The following TCF7L2 variants were observed in gnomAD, a reference collection of about 807,000 sequenced individuals.
TCF7L2 encodes transcription factor 7-like 2.
A neutral mutation model predicts 77.9 loss-of-function variants in TCF7L2; 23 were observed. That is an observed-to-expected ratio of 0.30 (90% CI 0.21 to 0.42). The LOEUF is 0.42. Ranked by LOEUF, TCF7L2 falls within the 10% of genes least tolerant of loss-of-function variation. The pLI, the probability that TCF7L2 is intolerant of heterozygous loss-of-function variation, is 1.00. For missense variants in TCF7L2, 654 were observed against 793.1 expected, an observed-to-expected ratio of 0.82 and a Z score of 2.11; for synonymous variants, 413 against 340.2, an observed-to-expected ratio of 1.21 and a Z score of -2.36.
chr10:113,149,826 C>T (rs1263227860), intron 8 of TCF7L2, among the ~76,000 whole-genome samples: 1 of 152,204 alleles, frequency 6.6e-6, no homozygotes, highest in Admixed American at 6.5e-5. Flanking sequence ...TCACTTGAAT[C>T]ACCTTGCCAG....
chr10:113,060,125 A>G (rs759291221), intron 5 of TCF7L2, among the ~76,000 whole-genome samples: 1 of 152,250 alleles, frequency 6.6e-6, no homozygotes, highest in Non-Finnish European at 1.5e-5. Context: ...ATGCTCAGAT[A>G]GAACAAAAAT....
intron 5 of TCF7L2, chr10:113,089,497 G>A (rs1185307296): frequency 1.2e-6 from 2 of 1,613,870 alleles, no homozygotes; most frequent in South Asian, 2.2e-5. Flanking sequence ...GACATGAAAA[G>A]GAGCCACTCC....
intron 13 of TCF7L2, among the ~76,000 whole-genome samples, chr10:113,163,028 A>T (rs1344405047): frequency 6.6e-6 from 1 of 151,666 alleles, no homozygotes; most frequent in Non-Finnish European, 1.5e-5. Context: ...AAAAAAAGGA[A>T]AAAAAGAAAA....
intron 4 of TCF7L2, among the ~76,000 whole-genome samples, chr10:112,967,728 C>A (rs2037311885): frequency 6.6e-6 from 1 of 152,024 alleles, no homozygotes; most frequent in African/African-American, 2.4e-5. Context: ...CTCCGCCTCC[C>A]AGGTTCAAGT....
chr10:113,160,738 C>T (rs143737617), intron 13 of TCF7L2: 1 of 1,511,154 alleles, frequency 6.6e-7, no homozygotes, highest in African/African-American at 1.4e-5. Flanking sequence ...GCATTCTGTC[C>T]TTCCGGTACC....
chr10:113,066,098 C>T (rs1183596063), intron 5 of TCF7L2, among the ~76,000 whole-genome samples: 1 of 152,166 alleles, frequency 6.6e-6, no homozygotes. Context: ...CGCGGTGGCT[C>T]ATGCCTGTAA....
In TCF7L2 at chr10:112,975,768, C is replaced by T. The variant is rs549804366; in HGVS notation, c.450+11144C>T. ...AAGTGCTGGGATTACAGGCGTGAGC[C>T]GCCATGGTCGGCCTGTAGGGTGTTT... On this transcript the variant is annotated intron_variant, in intron 4 of 13. Transcript: ENST00000627217. Among the ~76,000 whole-genome samples the T allele has an allele frequency of 2.9e-4, 44 of 152,318 alleles. No individual in the cohort carries two copies. The East Asian group carries it at 7.5e-3, about 26-fold the overall frequency.
chr10:113,007,216 G>A (rs1163971668), intron 4 of TCF7L2, among the ~76,000 whole-genome samples: 7 of 152,232 alleles, frequency 4.6e-5, no homozygotes, highest in African/African-American at 1.7e-4. Flanking sequence ...GGGGGCGTGT[G>A]ATGCCTGCCA....
chr10:113,024,840 G>A (rs1282574977), intron 4 of TCF7L2, among the ~76,000 whole-genome samples: 15 of 152,124 alleles, frequency 9.9e-5, no homozygotes, highest in African/African-American at 2.9e-4. Context: ...GGCTGGTCTC[G>A]AACTCCTGAC....
chr10:113,008,153 A>G (rs1315843173), intron 4 of TCF7L2, among the ~76,000 whole-genome samples: 2 of 152,274 alleles, frequency 1.3e-5, no homozygotes, highest in African/African-American at 4.8e-5. Flanking sequence ...ATTTTCTGCA[A>G]TGCTCCTTTT....
chr10:113,140,001 G>A (rs989556595), intron 5 of TCF7L2, among the ~76,000 whole-genome samples: 11 of 152,106 alleles, frequency 7.2e-5, no homozygotes, highest in African/African-American at 2.2e-4. Flanking sequence ...ATGAAGACAC[G>A]TTCTGAAATG....
intron 5 of TCF7L2, among the ~76,000 whole-genome samples, chr10:113,065,195 T>C (rs930206409): frequency 6.6e-6 from 1 of 152,224 alleles, no homozygotes; most frequent in Non-Finnish European, 1.5e-5. Flanking sequence ...GTGTTTAGTG[T>C]GGCCTATGAG....
In TCF7L2 at chr10:113,011,339, G is replaced by A. The variant is rs58858006; in HGVS notation, c.451-28686G>A. Among the ~76,000 whole-genome samples the A allele has an allele frequency of 2.6e-5, 4 of 152,136 alleles. No homozygotes were observed. In the East Asian group the frequency reaches 5.8e-4, roughly 22 times the overall value. On this transcript the variant is annotated intron_variant, in intron 4 of 13. Coordinates refer to ENST00000627217, the MANE Select transcript of TCF7L2 (RefSeq NM_001146274.2). ...CCGGAGCCAAGCCAGAGATCTGGTGGTAGTGGGGGGTTTCCAAGCTAGAAT... is the reference window on the plus strand; with the variant it reads ...CCGGAGCCAAGCCAGAGATCTGGTGATAGTGGGGGGTTTCCAAGCTAGAAT...
chr10:113,130,398 CAT>C lies in TCF7L2; in HGVS notation c.553-10785_553-10784del, dbSNP rs2066394839. Among the ~76,000 whole-genome samples the C allele has an allele frequency of 5.9e-5, 9 of 152,316 alleles. No homozygotes were observed. In the South Asian group the frequency reaches 1.5e-3, roughly 25 times the overall value. ...TCAGAAAAGAGAGAAGGAAAAATGACATTGCCTCATAGAGGAGCATACTTTAA... is the reference window on the plus strand; with the variant it reads ...TCAGAAAAGAGAGAAGGAAAAATGACTGCCTCATAGAGGAGCATACTTTAA... On this transcript the variant is annotated intron_variant, in intron 5 of 13. Coordinates refer to ENST00000627217, the MANE Select transcript of TCF7L2 (RefSeq NM_001146274.2).
chr10:112,997,633 T>C (rs944138031), intron 4 of TCF7L2, among the ~76,000 whole-genome samples: 2 of 152,222 alleles, frequency 1.3e-5, no homozygotes, highest in Non-Finnish European at 2.9e-5. Context: ...ACCAGGGACC[T>C]GAGGGGCATG....
At chr10:113,041,171 ATG>A (rs2052378744) in intron 5 of TCF7L2, among the ~76,000 whole-genome samples, 1 of 152,182 alleles carries the variant, frequency 6.6e-6, no homozygotes, top group Non-Finnish European at 1.5e-5. Flanking sequence ...CCTCTGTCAT[ATG>A]TGTGTGTTTA....
At chr10:113,053,321 T>C (rs2054796097) in intron 5 of TCF7L2, among the ~76,000 whole-genome samples, 1 of 152,170 alleles carries the variant, frequency 6.6e-6, no homozygotes, top group Non-Finnish European at 1.5e-5. Flanking sequence ...GGCTAAGTGC[T>C]GTGGTGTCTG....
intron 5 of TCF7L2, among the ~76,000 whole-genome samples, chr10:113,049,479 T>G (rs1055598460): frequency 6.6e-6 from 1 of 152,056 alleles, no homozygotes; most frequent in Non-Finnish European, 1.5e-5. Context: ...TCAAAGCGTG[T>G]GTGGCATCCA....
chr10:113,085,379 A>G (rs992646429), intron 5 of TCF7L2, among the ~76,000 whole-genome samples: 3 of 152,036 alleles, frequency 2.0e-5, no homozygotes, highest in African/African-American at 7.2e-5. Flanking sequence ...CCTGAGTGAC[A>G]TTATTTCATA....
Sources: allele counts gnomAD v4.1 joint callset (sites outside exome capture counted in the v4.1 genomes callset), GRCh38; gene constraint gnomAD v4.1.1; transcripts MANE v1.5; gene names NCBI Gene and HGNC (gene_info 2026-07-23, HGNC 2026-07-21).